The following NBAS variants were observed in gnomAD, a reference collection of about 807,000 sequenced individuals.
NBAS encodes the protein NBAS subunit of NRZ tethering complex.
Under a neutral mutation model 302.5 loss-of-function variants are expected in NBAS, and 219 were observed. The observed-to-expected ratio is 0.72, with a 90% CI of 0.65 to 0.81. NBAS has a LOEUF of 0.81. Among genes scored for constraint, NBAS ranks in the 30% least tolerant of loss-of-function variants. The pLI, the probability that NBAS is intolerant of heterozygous loss-of-function variation, is 0.00. For synonymous variants in NBAS, 1,118 were observed against 1,021.6 expected (o/e 1.09, Z -1.80); for missense variants, 2,932 against 2,841.6 (o/e 1.03, Z -0.72).
the NBAS span, among the ~76,000 whole-genome samples, chr2:14,981,050 G>T: frequency 3.8e-3 from 550 of 146,218 alleles, 1 homozygote; most frequent in South Asian, 0.011. Flanking sequence ...CTGTAAAAAA[G>T]AAAAAAATGA....
At chr2:15,332,126 G>T (rs1672383568) in intron 35 of NBAS, among the ~76,000 whole-genome samples, 1 of 152,204 alleles carries the variant, frequency 6.6e-6, no homozygotes, top group Admixed American at 6.5e-5. Context: ...GCGACATCCA[G>T]CAAGATAATG....
At chr2:15,103,906 G>T in the NBAS span, among the ~76,000 whole-genome samples, 1 of 152,120 alleles carries the variant, frequency 6.6e-6, no homozygotes, top group African/African-American at 2.4e-5. Flanking sequence ...TTCCACTGAA[G>T]ATCTTATTTT....
At chr2:15,417,820 A>G in intron 23 of NBAS, 108 bp from the exon 24 acceptor site, 1 of 1,103,852 alleles carries the variant, frequency 9.1e-7, no homozygotes, top group East Asian at 2.6e-5. Flanking sequence ...TTTTTTATAA[A>G]ATTGCATTAC....
the NBAS span, among the ~76,000 whole-genome samples, chr2:14,868,932 A>G: frequency 6.6e-6 from 1 of 152,176 alleles, no homozygotes; most frequent in Non-Finnish European, 1.5e-5. Context: ...AATTTTCCAA[A>G]GGGAGTTGTC....
At chr2:15,260,514 G>A (rs368296987) in intron 44 of NBAS, among the ~76,000 whole-genome samples, 1 of 152,194 alleles carries the variant, frequency 6.6e-6, no homozygotes, top group East Asian at 1.9e-4. Flanking sequence ...CTGGCCAATG[G>A]TGAGTTTAGG....
intron 16 of NBAS, among the ~76,000 whole-genome samples, chr2:15,470,194 C>A (rs1679899102): frequency 6.6e-6 from 1 of 152,086 alleles, no homozygotes; most frequent in Non-Finnish European, 1.5e-5. Context: ...AAATCATCAA[C>A]ACAAAACATC....
intron 47 of NBAS, among the ~76,000 whole-genome samples, chr2:15,230,311 G>A (rs1177971026): frequency 6.7e-6 from 1 of 149,650 alleles, no homozygotes; most frequent in Non-Finnish European, 1.5e-5. Flanking sequence ...AACAAAGGGT[G>A]TCAGGTTTAA....
the NBAS span, among the ~76,000 whole-genome samples, chr2:14,958,601 G>T: frequency 5.3e-5 from 8 of 152,154 alleles, no homozygotes; most frequent in Non-Finnish European, 1.2e-4. Context: ...TAAGAGCAAT[G>T]GAACACGGGC....
At chr2:15,100,634 A>G in the NBAS span, among the ~76,000 whole-genome samples, 1 of 152,168 alleles carries the variant, frequency 6.6e-6, no homozygotes, top group South Asian at 2.1e-4. Flanking sequence ...GAATTTAGTG[A>G]CCTTTTCTAA....
At chr2:15,478,588 T>C (rs1420723561) in intron 12 of NBAS, among the ~76,000 whole-genome samples, 1 of 152,200 alleles carries the variant, frequency 6.6e-6, no homozygotes, top group Admixed American at 6.5e-5. Flanking sequence ...GAATTCATCC[T>C]ATACACATGC....
chr2:15,276,194 T>C (rs566943191), intron 43 of NBAS, among the ~76,000 whole-genome samples: 1 of 152,212 alleles, frequency 6.6e-6, no homozygotes, highest in African/African-American at 2.4e-5. Flanking sequence ...CACTAGTTAC[T>C]TGAAGGCAAG....
chr2:15,096,917 C>T, the NBAS span, among the ~76,000 whole-genome samples: 1 of 152,182 alleles, frequency 6.6e-6, no homozygotes, highest in South Asian at 2.1e-4. Flanking sequence ...GAAACAGGAG[C>T]TTATAGACTC....
chr2:15,549,570 AC>A (rs1664276280), intron 6 of NBAS, among the ~76,000 whole-genome samples: 1 of 151,956 alleles, frequency 6.6e-6, no homozygotes, highest in South Asian at 2.1e-4. Flanking sequence ...TGTAAAAAAC[AC>A]AAAAAAATTA....
intron 5 of NBAS, among the ~76,000 whole-genome samples, chr2:15,552,262 C>A (rs1664417920): frequency 6.6e-6 from 1 of 152,024 alleles, no homozygotes; most frequent in African/African-American, 2.4e-5. Flanking sequence ...AAAAATAATA[C>A]CCAGTATAAA....
chr2:15,282,381 C>A (rs1382160799), intron 42 of NBAS, among the ~76,000 whole-genome samples: 1 of 152,150 alleles, frequency 6.6e-6, no homozygotes, highest in African/African-American at 2.4e-5. Flanking sequence ...GGCAGAAATT[C>A]TATTTTCTGT....
intron 35 of NBAS, among the ~76,000 whole-genome samples, chr2:15,349,794 A>C (rs1673263644): frequency 6.7e-6 from 1 of 149,684 alleles, no homozygotes; most frequent in African/African-American, 2.5e-5. Flanking sequence ...TCTCAAAAAT[A>C]AATAAATTAA....
chr2:14,780,466 C>G, the NBAS span, among the ~76,000 whole-genome samples: 1 of 152,206 alleles, frequency 6.6e-6, no homozygotes, highest in Non-Finnish European at 1.5e-5. Flanking sequence ...ATTTAAAGAG[C>G]TAAGACTTTC....
At chr2:15,278,096 T>C (rs1410903686) in intron 42 of NBAS, among the ~76,000 whole-genome samples, 1 of 152,180 alleles carries the variant, frequency 6.6e-6, no homozygotes, top group Admixed American at 6.5e-5. Flanking sequence ...CTCTGAAACA[T>C]GACAACTTGT....
chr2:15,331,344 C>T (rs1672340268), intron 35 of NBAS, among the ~76,000 whole-genome samples: 1 of 152,188 alleles, frequency 6.6e-6, no homozygotes, highest in Non-Finnish European at 1.5e-5. Flanking sequence ...TCTCCATTTA[C>T]TAATCTGAGA....
Sources: gnomAD v4.1 joint callset for allele counts (sites outside exome capture counted in the v4.1 genomes callset) on GRCh38, gnomAD v4.1.1 for gene constraint, MANE v1.5 for transcripts, NCBI Gene and HGNC (gene_info 2026-07-23, HGNC 2026-07-21) for gene names.